The following LRRC70 variants were observed in gnomAD, a reference collection of about 807,000 sequenced individuals.
LRRC70 encodes the protein leucine rich repeat containing 70.
A neutral mutation model predicts 42.4 loss-of-function variants in LRRC70; 31 were observed. The observed-to-expected ratio is 0.73, with a 90% CI of 0.55 to 0.99. LRRC70 has a LOEUF of 0.99. LRRC70 is among the 50% of genes least tolerant of loss of function. The pLI, the probability that LRRC70 is intolerant of heterozygous loss-of-function variation, is 0.00. For missense variants in LRRC70, 643 were observed against 707.5 expected, an observed-to-expected ratio of 0.91 and a Z score of 1.03; for synonymous variants, 270 against 262.9, an observed-to-expected ratio of 1.03 and a Z score of -0.26.
At position 62,580,866 on chromosome 5, in the gene LRRC70, A is replaced by G. The variant is rs1744527715; in HGVS notation, c.1428A>G (p.Leu476=). The change falls in exon 2 of 2, where the codon TTA becomes TTG. Residue 476 remains leucine (L), a synonymous_variant. Coordinates refer to ENST00000334994, the MANE Select transcript of LRRC70 (RefSeq NM_181506.5). The stretch of plus-strand genomic sequence containing the variant: ...AAGAGAATGCCTTTGGTAATCCATT[A>G]GAGACTACAGCAGTGTTACCTGTGC... ...FFQENAFGNP[L]ETTAVLPVQI... 1 of 1,551,412 alleles carries G rather than the reference A, an allele frequency of 6.4e-7. No individual in the cohort carries two copies. Among genetic ancestry groups the G allele is most frequent in the East Asian group, 2.4e-5 (1 of 40,914 alleles).
rs1744487480 is a variant in LRRC70 at position 62,580,041 on chromosome 5, A to G, written c.603A>G (p.Gln201=). The change falls in exon 2 of 2, where the codon CAA becomes CAG. Residue 201 remains glutamine (Q), a synonymous_variant. Coordinates refer to ENST00000334994, the MANE Select transcript of LRRC70 (RefSeq NM_181506.5). ...NILRISESGF[Q]HLENLACLYL... is the part of the protein sequence containing the mutation. The stretch of plus-strand genomic sequence containing the variant: ...TGAGGATATCAGAATCAGGCTTTCA[A>G]CATCTTGAAAACCTTGCTTGTTTGT... 6.4e-7 allele frequency: 1 copy of G among 1,551,252 alleles called. No individual in the cohort carries two copies. The highest frequency in any genetic ancestry group is 2.0e-5 in the Admixed American group (1 of 50,966).
At position 62,579,843 on chromosome 5, in the gene LRRC70, T is replaced by C. The variant is rs542729820; in HGVS notation, c.405T>C (p.Arg135=). 13 of 1,548,188 alleles carry C rather than the reference T, an allele frequency of 8.4e-6. No homozygotes were observed. In the South Asian group the frequency reaches 1.3e-4, roughly 16 times the overall value. Residue 135 remains arginine, a synonymous_variant, in exon 2 of 2, where the codon CGT becomes CGC. Coordinates refer to ENST00000334994, the MANE Select transcript of LRRC70 (RefSeq NM_181506.5). ...TATTTAAGGGACTTTTAAATCTTCG[T>C]AATTTATATTTACAGTATAATCAGG... ...PGIFKGLLNL[R]NLYLQYNQVS... is the part of the protein sequence containing the mutation.
rs1213306659 is a variant in LRRC70, at chr5:62,580,578, T to A, written c.1140T>A (p.Thr380=). The change falls in exon 2 of 2, where the codon ACT becomes ACA. Residue 380 remains threonine, a synonymous_variant. Transcript: ENST00000334994. ...ACTGGCTAGCATCTTCAGCCATTAC[T>A]CTAAACATCTATTGTCAGAATCCCC... is the stretch of plus-strand genomic sequence containing the variant. The part of the protein sequence containing the change: ...LRDWLASSAI[T]LNIYCQNPPS... 6.4e-7 allele frequency: 1 copy of A among 1,551,484 alleles called. No individual in the cohort carries two copies. The highest frequency in any genetic ancestry group is 2.0e-5 in the Admixed American group (1 of 50,988).
At position 62,578,906 on chromosome 5, in the gene LRRC70, A is replaced by G. The variant is rs1418794277; in HGVS notation, c.-68A>G. 3 of 258,320 alleles carry G rather than the reference A, an allele frequency of 1.2e-5. No homozygotes were observed. The highest frequency in any genetic ancestry group is 2.3e-5 in the Non-Finnish European group (3 of 128,930). The allele number at this position is 258,320 out of a possible 1,614,324, so 16.0% of individuals were successfully genotyped here. A position where few individuals can be genotyped will look rare whatever the true frequency, so the allele number is the denominator to read the frequency against. ...AAGAAAACCTTTACTGAATCAGCTGAGTGTTAATAATACGAATTTCCTTTT... is the reference window on the plus strand; with the variant it reads ...AAGAAAACCTTTACTGAATCAGCTGGGTGTTAATAATACGAATTTCCTTTT... On this transcript the variant is annotated 5_prime_UTR_variant, in exon 1 of 2. Transcript: ENST00000334994.
Position 62,580,277 on chromosome 5 carries a change from A to G in LRRC70, c.839A>G (p.His280Arg), listed in dbSNP as rs1744499939. Residue 280 changes from histidine (H) to arginine (R), a missense_variant, in exon 2 of 2, where the codon CAT becomes CGT. Physicochemically the swap from His to Arg is conservative, Grantham distance 29 (BLOSUM62 0). Coordinates refer to ENST00000334994, the MANE Select transcript of LRRC70 (RefSeq NM_181506.5). ...TTTAGTGGAATTAATAATCTTAAAC[A>G]TTTGATCTTAAGTCATAATGATTTA... is the stretch of plus-strand genomic sequence containing the variant. Reference protein sequence around the residue: ...DGFSGINNLKHLILSHNDLEN... With the variant: ...DGFSGINNLKRLILSHNDLEN... 11 of 1,540,902 alleles carry G rather than the reference A, an allele frequency of 7.1e-6. No homozygotes were observed. The highest frequency in any genetic ancestry group is 2.0e-5 in the Admixed American group (1 of 50,938).
chr5:62,580,305 G>A lies in LRRC70; in HGVS notation c.867G>A (p.Glu289=). 1 of 1,537,008 alleles carries A rather than the reference G, an allele frequency of 6.5e-7. No homozygotes were observed. The highest frequency in any genetic ancestry group is 8.8e-7 in the Non-Finnish European group (1 of 1,133,882). ...KHLILSHNDL[E]NLNSDTFSLL... is the part of the protein sequence containing the mutation. ...TGATCTTAAGTCATAATGATTTAGAGAATTTAAATTCTGACACATTCAGTT... is the reference window on the plus strand; with the variant it reads ...TGATCTTAAGTCATAATGATTTAGAAAATTTAAATTCTGACACATTCAGTT... Residue 289 remains glutamate, a synonymous_variant, in exon 2 of 2, where the codon GAG becomes GAA. Coordinates refer to ENST00000334994, the MANE Select transcript of LRRC70 (RefSeq NM_181506.5).
chr5:62,581,193 T>C lies in LRRC70; in HGVS notation c.1755T>C (p.Cys585=), dbSNP rs1246572682. 6.4e-7 allele frequency: 1 copy of C among 1,551,066 alleles called. No homozygotes were observed. The highest frequency in any genetic ancestry group is 2.0e-5 in the Admixed American group (1 of 50,942). ...SARYNVTASI[C]NTSPNSLESP... is the part of the protein sequence containing the mutation. ...GGTATAATGTAACTGCCTCAATTTG[T>C]AACACTTCCCCAAATTCTCTAGAAA... is the stretch of plus-strand genomic sequence containing the variant. The change falls in exon 2 of 2, where the codon TGT becomes TGC. Residue 585 remains cysteine, a synonymous_variant. Transcript: ENST00000334994.
In LRRC70 at chr5:62,579,986, G is replaced by A. The variant is rs774910601; in HGVS notation, c.548G>A (p.Arg183Gln). 19 of 1,551,004 alleles carry A rather than the reference G, an allele frequency of 1.2e-5. No individual in the cohort carries two copies. Among genetic ancestry groups the A allele is most frequent in the South Asian group, 4.8e-5 (4 of 84,050 alleles). Residue 183 changes from arginine to glutamine, a missense_variant, in exon 2 of 2, where the codon CGG becomes CAG. Transcript: ENST00000334994. ...SGTFVGMVAL[R>Q]ILDLSNNNIL... Reference sequence around the variant, plus strand: ...ACCTTTGTTGGTATGGTTGCTCTTCGGATACTTGATTTATCAAACAATAAC... The same window carrying A: ...ACCTTTGTTGGTATGGTTGCTCTTCAGATACTTGATTTATCAAACAATAAC...
rs1016460119 is a variant in LRRC70 at position 62,580,589 on chromosome 5, A to G, written c.1151A>G (p.Tyr384Cys). The G allele has an allele frequency of 3.9e-6, 6 of 1,551,310 alleles. No homozygotes were observed. The African/African-American group carries it at 4.1e-5, about 11-fold the overall frequency. ...TCTTCAGCCATTACTCTAAACATCT[A>G]TTGTCAGAATCCCCCATCCATGCGT... is the stretch of plus-strand genomic sequence containing the variant. ...LASSAITLNI[Y>C]CQNPPSMRGR... Residue 384 changes from tyrosine to cysteine, a missense_variant, in exon 2 of 2, where the codon TAT becomes TGT. Tyr to Cys is a radical substitution (Grantham distance 194). Coordinates refer to ENST00000334994, the MANE Select transcript of LRRC70 (RefSeq NM_181506.5).
Position 62,579,443 on chromosome 5 carries a change from G to A in LRRC70, c.5G>A (p.Cys2Tyr), listed in dbSNP as rs1744455740. The change falls in exon 2 of 2, where the codon TGT becomes TAT. Residue 2 changes from cysteine (C) to tyrosine (Y), a missense_variant. Cys to Tyr is a radical substitution (Grantham distance 194). Coordinates refer to ENST00000334994, the MANE Select transcript of LRRC70 (RefSeq NM_181506.5). ...AGAAAATCCAAGAACAGGGATATGT[G>A]TGGATTACAGTTTTCTCTGCCTTGC... The part of the protein sequence containing the change: M[C>Y]GLQFSLPCLR... The A allele has an allele frequency of 6.4e-7, 1 of 1,550,708 alleles. No homozygotes were observed. The highest frequency in any genetic ancestry group is 1.4e-5 in the African/African-American group (1 of 73,098).
rs1744472366 is a variant in LRRC70, at chr5:62,579,762, G to A, written c.324G>A (p.Arg108=). 2 of 1,543,944 alleles carry A rather than the reference G, an allele frequency of 1.3e-6. No individual in the cohort carries two copies. The highest frequency in any genetic ancestry group is 1.8e-6 in the Non-Finnish European group (2 of 1,142,104). Residue 108 remains arginine (R), a synonymous_variant, in exon 2 of 2, where the codon AGG becomes AGA. Transcript: ENST00000334994. ...YVYPKAFVQL[R]HLYFLFLNNN... ...ATCCAAAAGCCTTTGTTCAATTGAG[G>A]CATCTATATTTTCTATTTCTAAATA... is the stretch of plus-strand genomic sequence containing the variant.
Position 62,580,484 on chromosome 5 carries a change from C to G in LRRC70, c.1046C>G (p.Ser349Cys). 1 of 1,551,394 alleles carries G rather than the reference C, an allele frequency of 6.4e-7. No homozygotes were observed. The highest frequency in any genetic ancestry group is 1.4e-5 in the African/African-American group (1 of 73,128). Residue 349 changes from serine (S) to cysteine (C), a missense_variant, in exon 2 of 2, where the codon TCT becomes TGT. Coordinates refer to ENST00000334994, the MANE Select transcript of LRRC70 (RefSeq NM_181506.5). ...CATCCAAGGGTCCTTAAGCCGTTGT[C>G]TTCATTGATTCATCTTCAGGCAAAT... The part of the protein sequence containing the change: ...ALHPRVLKPL[S>C]SLIHLQANSN...
In LRRC70 at chr5:62,581,122, T is replaced by C; in HGVS notation, c.1684T>C (p.Ser562Pro). The change falls in exon 2 of 2, where the codon TCA becomes CCA. Residue 562 changes from serine (S) to proline (P), a missense_variant. By Grantham distance (74) the Ser-to-Pro change is moderately conservative. Transcript: ENST00000334994. ...FKQKLKASENSRENRLEYYSF... is the reference protein window; with the variant it reads ...FKQKLKASENPRENRLEYYSF... Reference sequence around the variant, plus strand: ...ACAAAAACTAAAGGCATCAGAAAACTCAAGGGAAAATAGACTTGAATACTA... The same window carrying C: ...ACAAAAACTAAAGGCATCAGAAAACCCAAGGGAAAATAGACTTGAATACTA... 1 of 1,549,914 alleles carries C rather than the reference T, an allele frequency of 6.5e-7. No individual in the cohort carries two copies. Among genetic ancestry groups the C allele is most frequent in the Non-Finnish European group, 8.7e-7 (1 of 1,146,490 alleles).
Position 62,580,483 on chromosome 5 carries a change from T to A in LRRC70, c.1045T>A (p.Ser349Thr). The A allele has an allele frequency of 6.4e-7, 1 of 1,551,478 alleles. No individual in the cohort carries two copies. The highest frequency in any genetic ancestry group is 8.7e-7 in the Non-Finnish European group (1 of 1,146,834). Reference protein sequence around the residue: ...ALHPRVLKPLSSLIHLQANSN... With the variant: ...ALHPRVLKPLTSLIHLQANSN... ...GCATCCAAGGGTCCTTAAGCCGTTG[T>A]CTTCATTGATTCATCTTCAGGCAAA... Residue 349 changes from serine (S) to threonine (T), a missense_variant, in exon 2 of 2, where the codon TCT becomes ACT. Ser to Thr is a moderately conservative substitution (Grantham distance 58). Transcript: ENST00000334994.
At position 62,578,873 on chromosome 5, in the gene LRRC70, G is replaced by A. The variant is rs1200086835; in HGVS notation, c.-101G>A. 16 of 302,160 alleles carry A rather than the reference G, an allele frequency of 5.3e-5. No individual in the cohort carries two copies. The highest frequency in any genetic ancestry group is 1.1e-4 in the Non-Finnish European group (16 of 152,262). 18.7% of individuals were successfully genotyped at this position (302,160 alleles called of 1,614,324 possible). On this transcript the variant is annotated 5_prime_UTR_variant, in exon 1 of 2. Coordinates refer to ENST00000334994, the MANE Select transcript of LRRC70 (RefSeq NM_181506.5). ...TGGAGTTAAGAAATGTCGTTCTTCA[G>A]ATTTAAAAAGAAAACCTTTACTGAA...
chr5:62,580,840 C>G lies in LRRC70; in HGVS notation c.1402C>G (p.Gln468Glu), dbSNP rs1374717489. 1.3e-6 allele frequency: 2 copies of G among 1,551,318 alleles called. No homozygotes were observed. The change falls in exon 2 of 2, where the codon CAA becomes GAA. Residue 468 changes from glutamine (Q) to glutamate (E), a missense_variant. Coordinates refer to ENST00000334994, the MANE Select transcript of LRRC70 (RefSeq NM_181506.5). ...IPTSPAGRFFQENAFGNPLET... is the reference protein window; with the variant it reads ...IPTSPAGRFFEENAFGNPLET... ...TACTTCACCTGCTGGTAGATTTTTT[C>G]AAGAGAATGCCTTTGGTAATCCATT...
Position 62,580,226 on chromosome 5 carries a change from G to T in LRRC70, c.788G>T (p.Arg263Ile). 1 of 1,550,448 alleles carries T rather than the reference G, an allele frequency of 6.4e-7. No homozygotes were observed. The highest frequency in any genetic ancestry group is 1.2e-5 in the South Asian group (1 of 84,010). The change falls in exon 2 of 2, where the codon AGA (arginine) becomes ATA (isoleucine). Residue 263 changes from arginine (R) to isoleucine (I), a missense_variant. By Grantham distance (97) the Arg-to-Ile change is moderately conservative. Transcript: ENST00000334994. ...NLEYLLLKNS[R>I]IRNVTRDGFS... ...GAATACCTCCTCCTGAAAAATTCAA[G>T]AATTAGGAATGTTACTAGGGATGGG... is the stretch of plus-strand genomic sequence containing the variant.
At position 62,579,950 on chromosome 5, in the gene LRRC70, T is replaced by A. The variant is rs1344771846; in HGVS notation, c.512T>A (p.Leu171His). The change falls in exon 2 of 2, where the codon CTT becomes CAT. Residue 171 changes from leucine (L) to histidine (H), a missense_variant. Physicochemically the swap from Leu to His is moderately conservative, Grantham distance 99. Transcript: ENST00000334994. Reference sequence around the variant, plus strand: ...CTACAAAGGAATCGCCTCACTGTCCTTGGGAGTGGTACCTTTGTTGGTATG... The same window carrying A: ...CTACAAAGGAATCGCCTCACTGTCCATGGGAGTGGTACCTTTGTTGGTATG... ...LNLQRNRLTVLGSGTFVGMVA... is the reference protein window; with the variant it reads ...LNLQRNRLTVHGSGTFVGMVA... The A allele has an allele frequency of 6.4e-7, 1 of 1,551,332 alleles. No homozygotes were observed. Among genetic ancestry groups the A allele is most frequent in the Non-Finnish European group, 8.7e-7 (1 of 1,146,746 alleles).
rs1279024730 is a variant in LRRC70 at position 62,580,092 on chromosome 5, A to G, written c.654A>G (p.Lys218=). 1.3e-6 allele frequency: 2 copies of G among 1,551,024 alleles called. No individual in the cohort carries two copies. The highest frequency in any genetic ancestry group is 4.9e-5 in the East Asian group (2 of 40,900). The change falls in exon 2 of 2, where the codon AAA becomes AAG. Residue 218 remains lysine (K), a synonymous_variant. Transcript: ENST00000334994. ...ATTTAGGAAGTAATAATTTAACAAAAGTACCATCAAATGCCTTTGAAGTAC... is the reference window on the plus strand; with the variant it reads ...ATTTAGGAAGTAATAATTTAACAAAGGTACCATCAAATGCCTTTGAAGTAC... The part of the protein sequence containing the change: ...CLYLGSNNLT[K]VPSNAFEVLK...
Sources: allele counts gnomAD v4.1 joint callset, GRCh38; gene constraint gnomAD v4.1.1; transcripts MANE v1.5; gene names NCBI Gene and HGNC (gene_info 2026-07-23, HGNC 2026-07-21).